The following TSPAN11 variants were observed in gnomAD, a reference collection of about 807,000 sequenced individuals.
TSPAN11 encodes the protein tetraspanin-11.
TSPAN11 carries 29 observed loss-of-function variants against 32.9 expected under a neutral mutation model. The ratio of observed to expected loss-of-function variants is 0.88; its 90% CI spans 0.66 to 1.20. The LOEUF (loss-of-function observed/expected upper bound fraction) is 1.20, where lower values mean the gene tolerates loss of function less well. TSPAN11 is among the 50% of genes most tolerant of loss of function. TSPAN11 has a pLI of 0.00. For missense variants in TSPAN11, 283 were observed against 329.1 expected (o/e 0.86, Z 1.08); for synonymous variants, 140 against 141.3 (o/e 0.99, Z 0.07).
At chr12:30,958,821 C>A (rs1429319000) in intron 2 of TSPAN11, among the ~76,000 whole-genome samples, 1 of 152,094 alleles carries the variant, frequency 6.6e-6, no homozygotes, top group Non-Finnish European at 1.5e-5. Context: ...CCCTTGATGG[C>A]CCAAGAGCGT....
chr12:31,011,119 C>T, the TSPAN11 span, among the ~76,000 whole-genome samples: 1 of 152,180 alleles, frequency 6.6e-6, no homozygotes, highest in Non-Finnish European at 1.5e-5. Flanking sequence ...AGGCCAGGTG[C>T]ATTGTGGCTC....
the TSPAN11 span, among the ~76,000 whole-genome samples, chr12:31,014,123 C>T: frequency 2.6e-5 from 4 of 152,138 alleles, no homozygotes; most frequent in Non-Finnish European, 5.9e-5. Context: ...TCCTGTGATT[C>T]CAAAGAAATG....
At chr12:30,989,533 G>A (rs1939268920) in intron 7 of TSPAN11, among the ~76,000 whole-genome samples, 2 of 152,122 alleles carry the variant, frequency 1.3e-5, no homozygotes, top group Non-Finnish European at 1.5e-5. Context: ...TGTACAGACC[G>A]GATGTTTTCC....
chr12:30,942,081 T>A (rs1319434640), intron 1 of TSPAN11, among the ~76,000 whole-genome samples: 1 of 152,098 alleles, frequency 6.6e-6, no homozygotes, highest in Non-Finnish European at 1.5e-5. Context: ...GGGGCAGGGG[T>A]GCTGAGACTG....
chr12:31,004,764 G>A, the TSPAN11 span, among the ~76,000 whole-genome samples: 2 of 152,210 alleles, frequency 1.3e-5, no homozygotes, highest in East Asian at 1.9e-4. Flanking sequence ...GTGGAGGGCA[G>A]GAGGAAGGAA....
chr12:31,000,102 T>C (rs35063), downstream of TSPAN11, among the ~76,000 whole-genome samples: 120,324 of 152,160 alleles, frequency 0.79, 47,789 homozygotes, highest in East Asian at 1. Context: ...CCATAGCCTC[T>C]CAATTGATGA....
intron 7 of TSPAN11, among the ~76,000 whole-genome samples, chr12:30,984,974 C>G (rs1200159679): frequency 6.6e-6 from 1 of 152,162 alleles, no homozygotes; most frequent in Non-Finnish European, 1.5e-5. Flanking sequence ...TTCCCGAACT[C>G]CCTACCATGA....
chr12:30,928,902 C>T (rs1335729045), intron 1 of TSPAN11, among the ~76,000 whole-genome samples: 2 of 152,182 alleles, frequency 1.3e-5, no homozygotes, highest in Admixed American at 6.5e-5. Context: ...TCACCAAAAG[C>T]GGGACTGCCT....
In TSPAN11 at chr12:30,982,426, G is replaced by A. The variant is rs560360916; in HGVS notation, c.457-106G>A. 1.3e-4 allele frequency: 195 copies of A among 1,445,106 alleles called. 1 individual carries two copies. The highest frequency in any genetic ancestry group is 4.6e-4 in the South Asian group (33 of 71,688). 89.5% of individuals were successfully genotyped at this position (1,445,106 alleles called of 1,614,324 possible). A position where few individuals can be genotyped will look rare whatever the true frequency, so the allele number is the denominator to read the frequency against. On this transcript the variant is annotated intron_variant, in intron 5 of 7. Transcript: ENST00000546076. The stretch of plus-strand genomic sequence containing the variant: ...TACAAATACTAACTAACCATGGTTC[G>A]GGTAGACAAATAGGGGTTGGGTTAG...
intron 1 of TSPAN11, among the ~76,000 whole-genome samples, chr12:30,948,854 C>A (rs368439051): frequency 2.0e-5 from 3 of 152,148 alleles, no homozygotes; most frequent in Non-Finnish European, 2.9e-5. Flanking sequence ...TGTCAGGCTG[C>A]GAATTTCCCA....
In TSPAN11 at chr12:30,954,028, A is replaced by G; in HGVS notation, c.37A>G (p.Ile13Val). Reference protein sequence around the residue: ...HYKTEQDDWLIIYLKYLLFVF... With the variant: ...HYKTEQDDWLVIYLKYLLFVF... ...TAAGACTGAGCAGGACGACTGGCTG[A>G]TCATCTACTTGAAGTATTTACTCTT... The change falls in exon 2 of 8, where the codon ATC becomes GTC. Residue 13 changes from isoleucine to valine, a missense_variant. By Grantham distance (29) the Ile-to-Val change is conservative. Coordinates refer to ENST00000546076, the MANE Select transcript of TSPAN11 (RefSeq NM_001370302.1). 3 of 1,613,908 alleles carry G rather than the reference A, an allele frequency of 1.9e-6. No individual in the cohort carries two copies. The highest frequency in any genetic ancestry group is 2.5e-6 in the Non-Finnish European group (3 of 1,180,000).
At chr12:31,016,456 GAAAA>G in the TSPAN11 span, among the ~76,000 whole-genome samples, 2 of 150,184 alleles carry the variant, frequency 1.3e-5, no homozygotes, top group African/African-American at 2.4e-5. Flanking sequence ...CTGGTAGAAA[GAAAA>G]GAAAAGGAAA....
chr12:30,990,374 C>G (rs1473893501), intron 7 of TSPAN11, among the ~76,000 whole-genome samples: 1 of 152,212 alleles, frequency 6.6e-6, no homozygotes, highest in East Asian at 1.9e-4. Flanking sequence ...TCAAACAGCT[C>G]CCTTCTGGCC....
chr12:30,967,986 C>T lies in TSPAN11; in HGVS notation c.276+3969C>T, dbSNP rs74086337. ...GCCTGTACAACCTTTCTTGGGCTAA[C>T]ACAGGTAGGAATTTTAAAACCCAGG... On this transcript the variant is annotated intron_variant, in intron 3 of 7. Coordinates refer to ENST00000546076, the MANE Select transcript of TSPAN11 (RefSeq NM_001370302.1). 6.9e-3 allele frequency among the ~76,000 whole-genome samples: 1,049 copies of T among 152,202 alleles called. 14 individuals are homozygous for T. The highest frequency in any genetic ancestry group is 0.024 in the African/African-American group (987 of 41,488).
At chr12:30,969,612 C>A (rs947141841) in intron 3 of TSPAN11, among the ~76,000 whole-genome samples, 1 of 152,166 alleles carries the variant, frequency 6.6e-6, no homozygotes, top group Non-Finnish European at 1.5e-5. Context: ...AGCGGGTGTA[C>A]CTGATCACCA....
chr12:30,997,350 T>G (rs912305389), downstream of TSPAN11: 1 of 152,238 alleles, frequency 6.6e-6, no homozygotes, highest in Non-Finnish European at 1.5e-5. Flanking sequence ...GTATTCACAC[T>G]GCTAAAAAGA....
chr12:30,953,356 A>G (rs939828554), intron 1 of TSPAN11, among the ~76,000 whole-genome samples: 4 of 152,188 alleles, frequency 2.6e-5, no homozygotes, highest in Non-Finnish European at 5.9e-5. Flanking sequence ...AGTATCACAC[A>G]TCTTGTGACA....
chr12:30,954,105 C>T lies in TSPAN11; in HGVS notation c.84+30C>T, dbSNP rs780336257. 3.9e-6 allele frequency: 6 copies of T among 1,541,882 alleles called. No individual in the cohort carries two copies. The African/African-American group carries it at 6.8e-5, about 17-fold the overall frequency. Reference sequence around the variant, plus strand: ...GTGAATTCTGCACACACATCCTCTTCCCCGAGCACTGAATGAGTCAAGCCA... The same window carrying T: ...GTGAATTCTGCACACACATCCTCTTTCCCGAGCACTGAATGAGTCAAGCCA... On this transcript the variant is annotated intron_variant, in intron 2 of 7. Coordinates refer to ENST00000546076, the MANE Select transcript of TSPAN11 (RefSeq NM_001370302.1).
chr12:30,985,125 A>G (rs1035500505), intron 7 of TSPAN11, among the ~76,000 whole-genome samples: 8 of 152,058 alleles, frequency 5.3e-5, no homozygotes, highest in African/African-American at 1.9e-4. Context: ...GCAGCCTAAC[A>G]CACTGGGAGG....
Sources: allele counts gnomAD v4.1 joint callset (sites outside exome capture counted in the v4.1 genomes callset), GRCh38; gene constraint gnomAD v4.1.1; transcripts MANE v1.5; gene names NCBI Gene and HGNC (gene_info 2026-07-23, HGNC 2026-07-21).